THSD7A: variants seen among roughly 807,000 people sequenced by gnomAD.
THSD7A encodes thrombospondin type 1 domain containing 7A.
THSD7A carries 96 observed loss-of-function variants against 231.3 expected under a neutral mutation model. That is an observed-to-expected ratio of 0.41 (90% confidence interval 0.35 to 0.49). The LOEUF is 0.49. THSD7A is among the 20% of genes least tolerant of loss of function. THSD7A has a pLI of 0.05. For missense variants in THSD7A, 2,290 were observed against 2,070.2 expected (o/e 1.11, Z -2.06); for synonymous variants, 940 against 743.3 (o/e 1.26, Z -4.30).
At chr7:11,501,594 T>C (rs1787337879) in intron 6 of THSD7A, among the ~76,000 whole-genome samples, 3 of 152,136 alleles carry the variant, frequency 2.0e-5, no homozygotes, top group Non-Finnish European at 4.4e-5. Flanking sequence ...AGAACAAAGA[T>C]ACAACATGCC....
intron 6 of THSD7A, among the ~76,000 whole-genome samples, chr7:11,521,562 A>C (rs1311110427): frequency 7.0e-6 from 1 of 142,868 alleles, no homozygotes; most frequent in East Asian, 2.0e-4. Context: ...ACATATGTAT[A>C]CATGTGCCAT....
chr7:11,587,980 A>G (rs1427567720), intron 4 of THSD7A, among the ~76,000 whole-genome samples: 5 of 152,210 alleles, frequency 3.3e-5, no homozygotes, highest in African/African-American at 1.2e-4. Context: ...GTGAAACTGC[A>G]AAGAGAACAG....
intron 1 of THSD7A, among the ~76,000 whole-genome samples, chr7:11,717,387 T>C (rs1279227107): frequency 2.6e-5 from 4 of 151,788 alleles, no homozygotes; most frequent in Middle Eastern, 3.4e-3. Flanking sequence ...TATCCTTCTA[T>C]TTCTACATGG....
intron 6 of THSD7A, among the ~76,000 whole-genome samples, chr7:11,492,654 C>T (rs990878740): frequency 3.3e-5 from 5 of 151,878 alleles, no homozygotes; most frequent in African/African-American, 1.2e-4. Flanking sequence ...GAAATCTGAA[C>T]AATATTTGGA....
chr7:11,468,110 C>T (rs998195587), intron 9 of THSD7A, among the ~76,000 whole-genome samples: 15 of 152,052 alleles, frequency 9.9e-5, no homozygotes, highest in African/African-American at 3.1e-4. Flanking sequence ...AAAATTTTCA[C>T]TTAAAATTTG....
At position 11,509,779 on chromosome 7, in the gene THSD7A, G is replaced by A. The variant is rs541949904; in HGVS notation, c.1823-27797C>T. On this transcript the variant is annotated intron_variant, in intron 6 of 27. Transcript: ENST00000423059. ...GGAGCTTGCAGTGAGCCGAGATCAG[G>A]CCACTGCACTCCAGCCTGGGCGACA... 6.1e-3 allele frequency among the ~76,000 whole-genome samples: 724 copies of A among 119,578 alleles called. 7 individuals are homozygous for A. Among genetic ancestry groups the A allele is most frequent in the African/African-American group, 0.021 (693 of 32,876 alleles). The allele number at this position is 119,578 out of a possible 152,430, so 78.4% of individuals were successfully genotyped here.
Position 11,375,597 on chromosome 7 carries a change from G to C in THSD7A, c.*197C>G, listed in dbSNP as rs1044425587. 2.5e-6 allele frequency: 1 copy of C among 398,918 alleles called. No individual in the cohort carries two copies. The highest frequency in any genetic ancestry group is 4.5e-6 in the Non-Finnish European group (1 of 223,718). 24.7% of individuals were successfully genotyped at this position (398,918 alleles called of 1,614,324 possible). A position where few individuals can be genotyped will look rare whatever the true frequency, so the allele number is the denominator to read the frequency against. On this transcript the variant is annotated 3_prime_UTR_variant, in exon 28 of 28. Transcript: ENST00000423059. The stretch of plus-strand genomic sequence containing the variant: ...CAGCTAAATCTCCTATAATTCTCAC[G>C]GTTGATGGTCTGTATATAAGTGGTA...
At chr7:11,497,152 T>C (rs1787136769) in intron 6 of THSD7A, among the ~76,000 whole-genome samples, 1 of 152,112 alleles carries the variant, frequency 6.6e-6, no homozygotes, top group African/African-American at 2.4e-5. Context: ...GAATGAGAGC[T>C]GAGTAAAGGG....
chr7:11,391,834 C>G (rs78403686), intron 23 of THSD7A, among the ~76,000 whole-genome samples: 2,200 of 152,144 alleles, frequency 0.014, 68 homozygotes, highest in African/African-American at 0.05. Context: ...TTCACAGCTT[C>G]CCTTGGCTAG....
At position 11,636,073 on chromosome 7, in the gene THSD7A, G is replaced by C; in HGVS notation, c.1022+57C>G. The C allele has an allele frequency of 6.8e-7, 1 of 1,464,950 alleles. No homozygotes were observed. Among genetic ancestry groups the C allele is most frequent in the Non-Finnish European group, 9.3e-7 (1 of 1,072,644 alleles). The allele number at this position is 1,464,950 out of a possible 1,614,324, so 90.7% of individuals were successfully genotyped here. The stretch of plus-strand genomic sequence containing the variant: ...TTATTAGATAGTACCGGATATCTTA[G>C]GTACTCATGATTCTTGACAGACAAG... On this transcript the variant is annotated intron_variant, in intron 2 of 27. Coordinates refer to ENST00000423059, the MANE Select transcript of THSD7A (RefSeq NM_015204.3). This position sits in a 1 kb window ranked among gnomAD's most constrained non-coding sequence, Gnocchi z 10.0.
chr7:11,812,417 A>G (rs1784557599), intron 1 of THSD7A, among the ~76,000 whole-genome samples: 1 of 152,204 alleles, frequency 6.6e-6, no homozygotes, highest in South Asian at 2.1e-4. Context: ...ATGAAACAAT[A>G]TGGGAATATA....
chr7:11,802,944 A>C (rs1357751754), intron 1 of THSD7A, among the ~76,000 whole-genome samples: 1 of 152,214 alleles, frequency 6.6e-6, no homozygotes, highest in African/African-American at 2.4e-5. Flanking sequence ...AAGAATATAG[A>C]TACTAGTCAA....
At chr7:11,416,668 A>C (rs1200075611) in intron 17 of THSD7A, among the ~76,000 whole-genome samples, 1 of 152,254 alleles carries the variant, frequency 6.6e-6, no homozygotes, top group Non-Finnish European at 1.5e-5. Flanking sequence ...ATTGTATTTC[A>C]ACAAAATAAT....
At chr7:11,763,161 T>C (rs951267939) in intron 1 of THSD7A, among the ~76,000 whole-genome samples, 1 of 152,200 alleles carries the variant, frequency 6.6e-6, no homozygotes, top group African/African-American at 2.4e-5. Flanking sequence ...TTTTTCTTTC[T>C]TCTTTTCCAA....
rs576990344 is a variant in THSD7A, at chr7:11,590,165, G to A, written c.1453+295C>T. 3.4e-4 allele frequency among the ~76,000 whole-genome samples: 52 copies of A among 152,026 alleles called. No individual in the cohort carries two copies. The highest frequency in any genetic ancestry group is 4.2e-4 in the South Asian group (2 of 4,812). On this transcript the variant is annotated intron_variant, in intron 4 of 27. Coordinates refer to ENST00000423059, the MANE Select transcript of THSD7A (RefSeq NM_015204.3). The surrounding 1 kb of genome is among the most constrained non-coding windows in gnomAD (Gnocchi z 4.4). ...TGTGTATATTTACAGATAAATTTTC[G>A]TCTAGTTTTTACATTATTCCTGCTA...
intron 13 of THSD7A, among the ~76,000 whole-genome samples, chr7:11,432,121 G>A (rs955557448): frequency 1.3e-5 from 2 of 152,024 alleles, no homozygotes; most frequent in East Asian, 3.9e-4. Flanking sequence ...TGAGACACAT[G>A]TTAAAAACAT....
intron 1 of THSD7A, among the ~76,000 whole-genome samples, chr7:11,826,812 C>CAAAAAAA (rs3037773): frequency 8.3e-6 from 1 of 120,794 alleles, no homozygotes; most frequent in Non-Finnish European, 1.7e-5. Flanking sequence ...GCCTCTGTCT[C>CAAAAAAA]AAAAAAAAAA....
intron 1 of THSD7A, among the ~76,000 whole-genome samples, chr7:11,647,636 G>C (rs373961417): frequency 9.9e-5 from 15 of 151,956 alleles, no homozygotes; most frequent in African/African-American, 3.4e-4. Context: ...TAAAATACAA[G>C]ACCAAGAAAC....
At chr7:11,644,949 A>T (rs12699252) in intron 1 of THSD7A, among the ~76,000 whole-genome samples, 4 of 151,616 alleles carry the variant, frequency 2.6e-5, no homozygotes, top group Non-Finnish European at 5.9e-5. Context: ...TAAAGTCTTC[A>T]TGTATCAGTG....
Sources: gnomAD v4.1 joint callset for allele counts (sites outside exome capture counted in the v4.1 genomes callset) on GRCh38, gnomAD v4.1.1 for gene constraint, Gnocchi (gnomAD v3.1) non-coding constraint, MANE v1.5 for transcripts, NCBI Gene and HGNC (gene_info 2026-07-23, HGNC 2026-07-21) for gene names.